The following KDM4B variants were observed in gnomAD, a reference collection of about 807,000 sequenced individuals.
KDM4B encodes the protein lysine-specific demethylase 4B.
A neutral mutation model predicts 125.2 loss-of-function variants in KDM4B; 32 were observed. The observed-to-expected ratio is 0.26, with a 90% confidence interval of 0.19 to 0.34. The LOEUF (loss-of-function observed/expected upper bound fraction) is 0.34. Ranked by LOEUF, KDM4B falls within the 10% of genes least tolerant of loss-of-function variation. KDM4B has a pLI of 1.00. For synonymous variants in KDM4B, 721 were observed against 677.9 expected (o/e 1.06, Z -0.99); for missense variants, 1,190 against 1,577.7 (o/e 0.75, Z 4.16).
intron 18 of KDM4B, among the ~76,000 whole-genome samples, chr19:5,143,223 T>A (rs1182941573): frequency 6.6e-6 from 1 of 151,468 alleles, no homozygotes; most frequent in Non-Finnish European, 1.5e-5. Context: ...CTCAGGAGGC[T>A]GAGGTGGGAG....
chr19:5,021,432 A>G (rs2036116047), intron 2 of KDM4B, among the ~76,000 whole-genome samples: 2 of 152,118 alleles, frequency 1.3e-5, no homozygotes, highest in African/African-American at 4.8e-5. Context: ...GGTCTCTACA[A>G]AACAAATACA....
intron 7 of KDM4B, among the ~76,000 whole-genome samples, chr19:5,073,858 T>C (rs942550330): frequency 1.3e-5 from 2 of 152,162 alleles, no homozygotes; most frequent in African/African-American, 4.8e-5. Context: ...AGCTCACACC[T>C]GGAATCCCAG....
intron 9 of KDM4B, among the ~76,000 whole-genome samples, chr19:5,090,013 G>C (rs1437622471): frequency 1.3e-5 from 2 of 152,132 alleles, no homozygotes; most frequent in Non-Finnish European, 2.9e-5. Context: ...CCACAAAAAG[G>C]GGGAAACAAG....
intron 9 of KDM4B, among the ~76,000 whole-genome samples, chr19:5,097,144 C>T (rs1477351277): frequency 2.0e-5 from 3 of 152,150 alleles, no homozygotes; most frequent in Non-Finnish European, 4.4e-5. Context: ...GAATGGTAAC[C>T]AAAGCCACCA....
chr19:5,138,407 C>T (rs370812356), intron 18 of KDM4B: 8 of 297,492 alleles, frequency 2.7e-5, no homozygotes, highest in South Asian at 4.5e-5. Flanking sequence ...GCACGTGCCC[C>T]GACACAACCG....
chr19:5,021,008 G>C (rs927401873), intron 2 of KDM4B, among the ~76,000 whole-genome samples: 1 of 152,036 alleles, frequency 6.6e-6, no homozygotes, highest in African/African-American at 2.4e-5. Context: ...TTAGCCGGAC[G>C]TGGTGGCGTG....
intron 1 of KDM4B, among the ~76,000 whole-genome samples, chr19:5,001,339 C>T (rs577942852): frequency 1.1e-3 from 171 of 152,276 alleles, no homozygotes; most frequent in South Asian, 4.1e-3. Context: ...CCTTTTCTTT[C>T]GCACGTGAAA....
At chr19:5,099,050 G>A (rs2038881927) in intron 9 of KDM4B, among the ~76,000 whole-genome samples, 1 of 152,236 alleles carries the variant, frequency 6.6e-6, no homozygotes. Flanking sequence ...TTTTGGCAGA[G>A]ATACTTTCAG....
intron 2 of KDM4B, among the ~76,000 whole-genome samples, chr19:5,019,431 T>G (rs1599427441): frequency 7.4e-6 from 1 of 135,102 alleles, no homozygotes; most frequent in South Asian, 2.5e-4. Context: ...TGGACGTTGG[T>G]GTGCGGGTGT....
At chr19:4,985,392 G>A (rs1003549550) in intron 1 of KDM4B, among the ~76,000 whole-genome samples, 1 of 152,170 alleles carries the variant, frequency 6.6e-6, no homozygotes, top group African/African-American at 2.4e-5. Flanking sequence ...CATCTCCAGT[G>A]AGCTTCCGAG....
At chr19:4,987,870 G>T (rs1299107003) in intron 1 of KDM4B, among the ~76,000 whole-genome samples, 1 of 152,318 alleles carries the variant, frequency 6.6e-6, no homozygotes, top group Admixed American at 6.5e-5. Flanking sequence ...TGGACTGGGG[G>T]TGGCTTTTGG....
At chr19:5,092,491 C>T (rs991727496) in intron 9 of KDM4B, among the ~76,000 whole-genome samples, 5 of 152,162 alleles carry the variant, frequency 3.3e-5, no homozygotes, top group South Asian at 2.1e-4. Context: ...CCAGGAGCTC[C>T]GGGGGGGACA....
At chr19:5,048,549 T>G (rs1356520746) in intron 6 of KDM4B, among the ~76,000 whole-genome samples, 1 of 129,220 alleles carries the variant, frequency 7.7e-6, no homozygotes. Context: ...CTGGAGGGCG[T>G]GGGAGCTCCG....
intron 11 of KDM4B, among the ~76,000 whole-genome samples, chr19:5,121,322 G>A (rs1247279574): frequency 3.3e-5 from 5 of 152,220 alleles, no homozygotes; most frequent in Admixed American, 2.6e-4. Flanking sequence ...TGTTCAGCAC[G>A]CCTCAGGAGG....
chr19:5,029,221 A>G (rs895765691), intron 2 of KDM4B, among the ~76,000 whole-genome samples: 34 of 152,264 alleles, frequency 2.2e-4, no homozygotes, highest in African/African-American at 7.5e-4. Flanking sequence ...GCCTTGGCCC[A>G]TTTTTACTGG....
At chr19:5,088,235 C>T (rs72991719) in intron 9 of KDM4B, among the ~76,000 whole-genome samples, 1,953 of 152,300 alleles carry the variant, frequency 0.013, 21 homozygotes, top group Non-Finnish European at 0.021. Context: ...GGCAGGGAGT[C>T]GGCGGCTTAG....
Position 5,015,361 on chromosome 19 carries a change from C to T in KDM4B, c.-108-896C>T, listed in dbSNP as rs147266450. On this transcript the variant is annotated intron_variant, in intron 1 of 22. Transcript: ENST00000159111. ...CTACCTCCCAGGTTCAAGTGATTCTCAAGCCTCAGCCTCCTGAGTAGCTGG... is the reference window on the plus strand; with the variant it reads ...CTACCTCCCAGGTTCAAGTGATTCTTAAGCCTCAGCCTCCTGAGTAGCTGG... 4.6e-4 allele frequency among the ~76,000 whole-genome samples: 70 copies of T among 152,002 alleles called. No homozygotes were observed. In the East Asian group the frequency reaches 5.8e-3, roughly 13 times the overall value.
intron 2 of KDM4B, among the ~76,000 whole-genome samples, chr19:5,023,257 C>T (rs138806371): frequency 1.6e-4 from 25 of 152,290 alleles, no homozygotes; most frequent in East Asian, 3.9e-4. Context: ...AAGCAGAGAA[C>T]GTTCTCGTGC....
chr19:4,977,457 G>A lies in KDM4B; in HGVS notation c.-109+8227G>A, dbSNP rs908774886. 2.6e-5 allele frequency among the ~76,000 whole-genome samples: 4 copies of A among 152,160 alleles called. No homozygotes were observed. The East Asian group carries it at 5.8e-4, about 22-fold the overall frequency. ...CTGTGAAAACGTCAGCTGAGGGCACGGTGGCAGGATTTCCCCCTGCATAGA... is the reference window on the plus strand; with the variant it reads ...CTGTGAAAACGTCAGCTGAGGGCACAGTGGCAGGATTTCCCCCTGCATAGA... On this transcript the variant is annotated intron_variant, in intron 1 of 22. Transcript: ENST00000159111.
Sources: allele counts gnomAD v4.1 joint callset (sites outside exome capture counted in the v4.1 genomes callset), GRCh38; gene constraint gnomAD v4.1.1; transcripts MANE v1.5; gene names NCBI Gene and HGNC (gene_info 2026-07-23, HGNC 2026-07-21).